REV1: variants seen among roughly 807,000 people sequenced by gnomAD.
REV1 encodes translesion synthesis protein REV1.
Under a neutral mutation model 137.4 loss-of-function variants are expected in REV1, and 42 were observed. The ratio of observed to expected loss-of-function variants is 0.31; its 90% confidence interval spans 0.24 to 0.40. The LOEUF (loss-of-function observed/expected upper bound fraction) is 0.40, where lower values mean the gene tolerates loss of function less well. Among genes scored for constraint, REV1 ranks in the 10% least tolerant of loss-of-function variants. The pLI, the probability that REV1 is intolerant of heterozygous loss-of-function variation, is 1.00. For missense variants in REV1, 1,282 were observed against 1,490.1 expected, an observed-to-expected ratio of 0.86 and a Z score of 2.30; for synonymous variants, 524 against 519.2, an observed-to-expected ratio of 1.01 and a Z score of -0.12.
intron 21 of REV1, 45 bp downstream of exon 21, chr2:99,402,598 AC>A: frequency 6.6e-7 from 1 of 1,518,906 alleles, no homozygotes; most frequent in Non-Finnish European, 9.0e-7. Flanking sequence ...AAATCATGAG[AC>A]GACTACATCT....
chr2:99,464,231 T>C (rs1280357630), intron 2 of REV1, among the ~76,000 whole-genome samples: 2 of 152,218 alleles, frequency 1.3e-5, no homozygotes, highest in Non-Finnish European at 2.9e-5. Context: ...TTAAGCTTGA[T>C]TTCAATTATT....
At chr2:99,421,451 A>G (rs1325581521) in intron 11 of REV1, 48 bp downstream of exon 11, 1 of 1,530,938 alleles carries the variant, frequency 6.5e-7, no homozygotes, top group Non-Finnish European at 8.8e-7. Context: ...CTGATATTCA[A>G]GAATCTCAAA....
At chr2:99,443,401 T>C (rs1681759589) in intron 4 of REV1, among the ~76,000 whole-genome samples, 1 of 152,194 alleles carries the variant, frequency 6.6e-6, no homozygotes, top group Non-Finnish European at 1.5e-5. Context: ...CTTGACATTT[T>C]CATTTTCTTA....
At chr2:99,432,026 C>T (rs1575080686) in intron 8 of REV1, 2 of 501,318 alleles carry the variant, frequency 4.0e-6, no homozygotes, top group Non-Finnish European at 5.2e-6. Flanking sequence ...CTGAAGTTGT[C>T]GATGGGATAG....
chr2:99,467,125 G>A (rs1182606189), intron 1 of REV1, among the ~76,000 whole-genome samples: 7 of 152,090 alleles, frequency 4.6e-5, no homozygotes, highest in Admixed American at 3.3e-4. Flanking sequence ...AATACATTTG[G>A]TGGCCCAATC....
intron 8 of REV1, among the ~76,000 whole-genome samples, chr2:99,431,483 C>T (rs1047899915): frequency 7.2e-5 from 11 of 152,148 alleles, no homozygotes; most frequent in Non-Finnish European, 1.5e-5. Flanking sequence ...GAGGGTGCTA[C>T]TAGACCCCAA....
intron 8 of REV1, among the ~76,000 whole-genome samples, chr2:99,433,234 T>C (rs547444490): frequency 1.3e-5 from 2 of 152,220 alleles, no homozygotes; most frequent in African/African-American, 4.8e-5. Flanking sequence ...AAACTACCTA[T>C]ACCATAATAC....
chr2:99,465,471 T>G (rs948740812), intron 1 of REV1, among the ~76,000 whole-genome samples: 3 of 152,164 alleles, frequency 2.0e-5, no homozygotes, highest in Non-Finnish European at 4.4e-5. Context: ...CTAGAAGAAG[T>G]CAATTAAAAA....
intron 4 of REV1, among the ~76,000 whole-genome samples, chr2:99,446,556 G>A (rs921109141): frequency 5.3e-5 from 8 of 152,098 alleles, no homozygotes; most frequent in Non-Finnish European, 1.0e-4. Flanking sequence ...GTGTACTGGC[G>A]TGATCTCGGC....
Position 99,460,201 on chromosome 2 carries a change from C to G in REV1, c.181+2295G>C, listed in dbSNP as rs1269033083. Among the ~76,000 whole-genome samples the G allele has an allele frequency of 2.0e-5, 3 of 152,258 alleles. 1 individual carries two copies. The South Asian group carries it at 6.2e-4, about 32-fold the overall frequency. ...AAGTGATTCTCCTGCCTCAGCCTCC[C>G]GAGTAGCTGGGACTACAGGCGCACG... On this transcript the variant is annotated intron_variant, in intron 3 of 22. Transcript: ENST00000258428.
At chr2:99,479,933 T>C (rs1242345386) in intron 1 of REV1, among the ~76,000 whole-genome samples, 2 of 151,816 alleles carry the variant, frequency 1.3e-5, no homozygotes, top group African/African-American at 2.4e-5. Flanking sequence ...GAACAATCAG[T>C]AGGATTTTAC....
chr2:99,423,692 T>A (rs1678977522), intron 10 of REV1, among the ~76,000 whole-genome samples: 1 of 152,222 alleles, frequency 6.6e-6, no homozygotes, highest in Admixed American at 6.5e-5. Flanking sequence ...CCCACTTTTA[T>A]GAAAACTAAC....
At chr2:99,404,384 G>A in intron 18 of REV1, 60 bp downstream of exon 18, 1 of 1,394,634 alleles carries the variant, frequency 7.2e-7, no homozygotes, top group Admixed American at 1.7e-5. Flanking sequence ...CAGGTCCTAA[G>A]TTGGAGCAGG....
intron 3 of REV1, among the ~76,000 whole-genome samples, chr2:99,453,079 G>C (rs1487715494): frequency 6.6e-6 from 1 of 152,142 alleles, no homozygotes; most frequent in African/African-American, 2.4e-5. Flanking sequence ...AAAATTATGT[G>C]GCCAGGTGCA....
chr2:99,462,953 T>C (rs28369947), intron 2 of REV1, among the ~76,000 whole-genome samples: 2 of 151,772 alleles, frequency 1.3e-5, no homozygotes, highest in African/African-American at 4.8e-5. Context: ...CCGGGTGCAG[T>C]GCCAAGTGCC....
rs568916910 is a variant in REV1 at position 99,425,037 on chromosome 2, A to AG, written c.1548-758_1548-757insC. On this transcript the variant is annotated intron_variant, in intron 9 of 22. Coordinates refer to ENST00000258428, the MANE Select transcript of REV1 (RefSeq NM_016316.4). The stretch of plus-strand genomic sequence containing the variant: ...AATTCTATTTTATCACTCTGTAAAG[A>AG]ATCAAGAAAAAAAATTATAGTAAAA... 10 of 601,664 alleles carry AG rather than the reference A, an allele frequency of 1.7e-5. No individual in the cohort carries two copies. The East Asian group carries it at 8.3e-4, about 50-fold the overall frequency. The allele number at this position is 601,664 out of a possible 1,614,324, so 37.3% of individuals were successfully genotyped here.
intron 3 of REV1, among the ~76,000 whole-genome samples, chr2:99,461,166 A>G (rs1021386769): frequency 6.6e-6 from 1 of 152,230 alleles, no homozygotes; most frequent in Non-Finnish European, 1.5e-5. Flanking sequence ...TTATTTTGAG[A>G]TGACATTCTT....
At chr2:99,447,295 C>G (rs1464795558) in intron 4 of REV1, among the ~76,000 whole-genome samples, 1 of 152,036 alleles carries the variant, frequency 6.6e-6, no homozygotes, top group African/African-American at 2.4e-5. Flanking sequence ...GCCTCAGCCT[C>G]CCGGGTAGCT....
At chr2:99,467,019 G>A (rs555457801) in intron 1 of REV1, among the ~76,000 whole-genome samples, 2 of 152,312 alleles carry the variant, frequency 1.3e-5, no homozygotes, top group East Asian at 3.9e-4. Flanking sequence ...GAGTTTGGGA[G>A]TTCTGGCCAT....
Sources: gnomAD v4.1 joint callset for allele counts (sites outside exome capture counted in the v4.1 genomes callset) on GRCh38, gnomAD v4.1.1 for gene constraint, MANE v1.5 for transcripts, NCBI Gene and HGNC (gene_info 2026-07-23, HGNC 2026-07-21) for gene names.